KITLG: variants seen among roughly 807,000 people sequenced by gnomAD.
KITLG encodes KIT ligand, also known as c-Kit ligand.
A neutral mutation model predicts 34.1 loss-of-function variants in KITLG; 13 were observed. The observed-to-expected ratio is 0.38, with a 90% CI of 0.25 to 0.61. KITLG has a LOEUF of 0.61. Among genes scored for constraint, KITLG ranks in the 20% least tolerant of loss-of-function variants. The pLI is 0.60. For missense variants in KITLG, 292 were observed against 318.9 expected, an observed-to-expected ratio of 0.92 and a Z score of 0.64; for synonymous variants, 110 against 104.0, an observed-to-expected ratio of 1.06 and a Z score of -0.35.
intron 7 of KITLG, 80 bp downstream of exon 7, chr12:88,506,948 A>C: frequency 1.2e-6 from 1 of 857,802 alleles, no homozygotes; most frequent in Non-Finnish European, 2.0e-6. Context: ...GTTTTCTTAA[A>C]GGATCATTTC....
At chr12:88,526,120 T>C (rs1351253761) in intron 3 of KITLG, among the ~76,000 whole-genome samples, 1 of 152,002 alleles carries the variant, frequency 6.6e-6, no homozygotes, top group African/African-American at 2.4e-5. Flanking sequence ...TTGGTTAGGG[T>C]AGGGAAGGAT....
At position 88,580,224 on chromosome 12, in the gene KITLG, T is replaced by C. The variant is rs1245218920; in HGVS notation, c.15+40A>G. 3 of 1,594,930 alleles carry C rather than the reference T, an allele frequency of 1.9e-6. No individual in the cohort carries two copies. In the Admixed American group the frequency reaches 5.2e-5, roughly 28 times the overall value. On this transcript the variant is annotated intron_variant, in intron 1 of 9. Coordinates refer to ENST00000644744, the MANE Select transcript of KITLG (RefSeq NM_000899.5). The stretch of plus-strand genomic sequence containing the variant: ...TCCCCGGGGCACCGGGCGCGATTTT[T>C]CCTGGAGAGCCTGGGAGCTCCCGGG...
intron 3 of KITLG, 99 bp from the exon 4 acceptor site, chr12:88,518,966 G>T: frequency 1.9e-6 from 2 of 1,051,648 alleles, no homozygotes; most frequent in African/African-American, 1.6e-5. Context: ...TTACTCAAGT[G>T]ATTCTCCTGC....
At chr12:88,548,549 C>A (rs967970726) in intron 1 of KITLG, among the ~76,000 whole-genome samples, 1 of 151,996 alleles carries the variant, frequency 6.6e-6, no homozygotes, top group African/African-American at 2.4e-5. Context: ...ACTGAACACT[C>A]AAGATACGTG....
intron 1 of KITLG, among the ~76,000 whole-genome samples, chr12:88,569,323 A>T (rs1292308545): frequency 6.6e-6 from 1 of 152,156 alleles, no homozygotes; most frequent in Non-Finnish European, 1.5e-5. Context: ...TTTTGTTTTA[A>T]AAAAAGAATA....
chr12:88,530,906 G>A (rs1313088094), intron 3 of KITLG, among the ~76,000 whole-genome samples: 1 of 152,128 alleles, frequency 6.6e-6, no homozygotes, highest in Non-Finnish European at 1.5e-5. Context: ...ATAATGATGT[G>A]TTTAAATTGG....
Position 88,516,328 on chromosome 12 carries a change from T to A in KITLG, c.520+6A>T. 5 of 1,608,856 alleles carry A rather than the reference T, an allele frequency of 3.1e-6. No homozygotes were observed. In the Admixed American group the frequency reaches 6.7e-5, roughly 21 times the overall value. ...CATTTGAACTGGAAATGCTTACATG[T>A]CTTACCTTTCTCAGGACTTAATGTT... On this transcript the variant is annotated splice_donor_region_variant and intron_variant, in intron 5 of 9. Coordinates refer to ENST00000644744, the MANE Select transcript of KITLG (RefSeq NM_000899.5).
rs565717902 is a variant in KITLG at position 88,519,996 on chromosome 12, A to G, written c.193-1129T>C. Among the ~76,000 whole-genome samples the G allele has an allele frequency of 5.9e-5, 9 of 152,310 alleles. 1 individual carries two copies. The South Asian group carries it at 1.4e-3, about 25-fold the overall frequency. On this transcript the variant is annotated intron_variant, in intron 3 of 9. Transcript: ENST00000644744. ...ATTTAACAGAACTGTTTTACTTAAT[A>G]TAATACAGCCAAAAAGGAAGCAGGT... is the stretch of plus-strand genomic sequence containing the variant.
Position 88,513,144 on chromosome 12 carries a change from G to A in KITLG, c.604+2390C>T, listed in dbSNP as rs540949546. 3.3e-5 allele frequency among the ~76,000 whole-genome samples: 5 copies of A among 151,832 alleles called. No homozygotes were observed. In the East Asian group the frequency reaches 5.8e-4, roughly 18 times the overall value. ...ATGTCAATGATGACACAAAAGATGG[G>A]TATGGGTAAATAAAACTACCCTGTT... On this transcript the variant is annotated intron_variant, in intron 6 of 9. Coordinates refer to ENST00000644744, the MANE Select transcript of KITLG (RefSeq NM_000899.5).
intron 6 of KITLG, among the ~76,000 whole-genome samples, chr12:88,510,611 A>T (rs899704679): frequency 1.3e-5 from 2 of 152,160 alleles, no homozygotes; most frequent in Admixed American, 6.5e-5. Flanking sequence ...AATCTCAAAC[A>T]TAAAACATCT....
chr12:88,516,392 A>C lies in KITLG; in HGVS notation c.462T>G (p.Phe154Leu). ...FNRSIDAFKD[F>L]VVASETSDCV... ...AATCACTAGTTTCAGATGCCACTAC[A>C]AAGTCCTTGAAGGCATCAATGGATC... The change falls in exon 5 of 10, where the codon TTT (phenylalanine) becomes TTG (leucine). Residue 154 changes from phenylalanine (F) to leucine (L), a missense_variant. By Grantham distance (22) the Phe-to-Leu change is conservative. Transcript: ENST00000644744. The C allele has an allele frequency of 6.2e-7, 1 of 1,611,160 alleles. No individual in the cohort carries two copies. Among genetic ancestry groups the C allele is most frequent in the Middle Eastern group, 1.7e-4 (1 of 5,978 alleles).
At chr12:88,552,988 GT>G (rs1419909026) in intron 1 of KITLG, among the ~76,000 whole-genome samples, 15 of 152,180 alleles carry the variant, frequency 9.9e-5, no homozygotes. Context: ...ATTATTTGTT[GT>G]GTGGTTTATG....
intron 1 of KITLG, among the ~76,000 whole-genome samples, chr12:88,553,988 C>T (rs1230622551): frequency 6.6e-6 from 1 of 152,162 alleles, no homozygotes; most frequent in Non-Finnish European, 1.5e-5. Flanking sequence ...TTGTTGAGAA[C>T]AAACATCAGC....
intron 1 of KITLG, among the ~76,000 whole-genome samples, chr12:88,558,092 C>T (rs1371451531): frequency 6.6e-6 from 1 of 152,142 alleles, no homozygotes; most frequent in Non-Finnish European, 1.5e-5. Flanking sequence ...GCTTCAGTTG[C>T]CATCTGATCC....
At chr12:88,506,674 A>C (rs1181587105) in intron 7 of KITLG, among the ~76,000 whole-genome samples, 2 of 152,220 alleles carry the variant, frequency 1.3e-5, no homozygotes, top group Non-Finnish European at 1.5e-5. Flanking sequence ...TTAAAATTTT[A>C]GACAGGCTTC....
At chr12:88,566,877 A>G (rs1871459158) in intron 1 of KITLG, among the ~76,000 whole-genome samples, 1 of 152,170 alleles carries the variant, frequency 6.6e-6, no homozygotes, top group South Asian at 2.1e-4. Flanking sequence ...TTTGATGGAC[A>G]ATAAAATGGA....
chr12:88,580,078 C>T (rs1207402268), intron 1 of KITLG, 186 bp downstream of exon 1: 2 of 657,382 alleles, frequency 3.0e-6, no homozygotes, highest in Non-Finnish European at 5.4e-6. Flanking sequence ...CTCCTTTTCT[C>T]CCTGGCTCAC....
intron 1 of KITLG, among the ~76,000 whole-genome samples, chr12:88,561,014 T>A (rs995622658): frequency 7.1e-6 from 1 of 140,738 alleles, no homozygotes; most frequent in Non-Finnish European, 1.5e-5. Context: ...AAGAAAACAG[T>A]GTGTTTACTC....
chr12:88,532,286 A>G (rs956943668), intron 3 of KITLG, among the ~76,000 whole-genome samples, 155 bp downstream of exon 3: 17 of 151,672 alleles, frequency 1.1e-4, no homozygotes, highest in South Asian at 2.1e-4. Context: ...TAAGAGGGGG[A>G]AAAAAAAGCC....
Sources: gnomAD v4.1 joint callset for allele counts (sites outside exome capture counted in the v4.1 genomes callset) on GRCh38, gnomAD v4.1.1 for gene constraint, MANE v1.5 for transcripts, NCBI Gene and HGNC (gene_info 2026-07-23, HGNC 2026-07-21) for gene names.